Variants in SMAD2 observed in about 807,000 individuals in gnomAD.
The protein encoded by SMAD2 is MAD homolog 2.
Under a neutral mutation model 64.4 loss-of-function variants are expected in SMAD2, and 8 were observed. The ratio of observed to expected loss-of-function variants is 0.12; its 90% CI spans 0.07 to 0.22. The LOEUF is 0.22. SMAD2 is among the 10% of genes least tolerant of loss of function. The pLI, the probability that SMAD2 is intolerant of heterozygous loss-of-function variation, is 1.00. For synonymous variants in SMAD2, 203 were observed against 195.8 expected (o/e 1.04, Z -0.31); for missense variants, 289 against 561.2 (o/e 0.51, Z 4.90).
chr18:47,849,486 TG>T (rs770241039), intron 7 of SMAD2, among the ~76,000 whole-genome samples: 5,490 of 17,210 alleles, frequency 0.32, 131 homozygotes, highest in Non-Finnish European at 0.35. Context: ...CAGAAATGTA[TG>T]TATATATATA....
chr18:47,836,633 AT>A lies in SMAD2; in HGVS notation c.*5193del, dbSNP rs1568024233. On this transcript the variant is annotated 3_prime_UTR_variant, in exon 11 of 11. Transcript: ENST00000262160. ...TATATGTATATATAAATTCATACAC[AT>A]ATATTATTTATTTCCTTCTTAAAAA... is the stretch of plus-strand genomic sequence containing the variant. 4.7e-6 allele frequency: 1 copy of A among 214,430 alleles called. No individual in the cohort carries two copies. The highest frequency in any genetic ancestry group is 7.0e-5 in the East Asian group (1 of 14,372). 13.3% of individuals were successfully genotyped at this position (214,430 alleles called of 1,614,324 possible).
rs1912491036 is a variant in SMAD2 at position 47,819,514 on chromosome 18, A to C, written c.*22313T>G. On this transcript the variant is annotated 3_prime_UTR_variant, in exon 11 of 11. Transcript: ENST00000262160. ...ATAAGTAATCTAGGAATAATTGTTA[A>C]AAATGAATTGGGGGCCAGGTGCAGT... 1 of 152,272 alleles carries C rather than the reference A, an allele frequency of 6.6e-6. No homozygotes were observed. Among genetic ancestry groups the C allele is most frequent in the Admixed American group, 6.5e-5 (1 of 15,284 alleles). The allele number at this position is 152,272 out of a possible 1,614,324, so 9.4% of individuals were successfully genotyped here.
At chr18:47,903,257 G>A (rs2033760432) in intron 1 of SMAD2, among the ~76,000 whole-genome samples, 1 of 152,118 alleles carries the variant, frequency 6.6e-6, no homozygotes, top group Non-Finnish European at 1.5e-5. Context: ...GCTGAAATGA[G>A]TAGCGAACTT....
chr18:47,854,093 A>G (rs1053561936), intron 6 of SMAD2, among the ~76,000 whole-genome samples: 1 of 152,192 alleles, frequency 6.6e-6, no homozygotes, highest in Admixed American at 6.5e-5. Context: ...GCCTTTAAAA[A>G]AAAAAAAACC....
At position 47,821,261 on chromosome 18, in the gene SMAD2, T is replaced by C. The variant is rs1912563001; in HGVS notation, c.*20566A>G. On this transcript the variant is annotated 3_prime_UTR_variant, in exon 11 of 11. Transcript: ENST00000262160. The stretch of plus-strand genomic sequence containing the variant: ...GGTCACACATCATTGCCTTTAGCTC[T>C]TTCTCCCCTTAAGAAGGTACATCTT... 1 of 152,206 alleles carries C rather than the reference T, an allele frequency of 6.6e-6. No individual in the cohort carries two copies. Among genetic ancestry groups the C allele is most frequent in the African/African-American group, 2.4e-5 (1 of 41,462 alleles). 9.4% of individuals were successfully genotyped at this position (152,206 alleles called of 1,614,324 possible).
Position 47,817,570 on chromosome 18 carries a change from G to C in SMAD2, c.*24257C>G, listed in dbSNP as rs1018749002. 1.3e-5 allele frequency: 2 copies of C among 152,772 alleles called. No individual in the cohort carries two copies. The highest frequency in any genetic ancestry group is 4.8e-5 in the African/African-American group (2 of 41,452). 9.5% of individuals were successfully genotyped at this position (152,772 alleles called of 1,614,324 possible). A position where few individuals can be genotyped will look rare whatever the true frequency, so the allele number is the denominator to read the frequency against. On this transcript the variant is annotated 3_prime_UTR_variant, in exon 11 of 11. Transcript: ENST00000262160. The stretch of plus-strand genomic sequence containing the variant: ...CCTGCCTTGGCCTCCCAAAGTGCTG[G>C]GATTACAGGCATGGGCCACTGCGCC...
intron 6 of SMAD2, among the ~76,000 whole-genome samples, chr18:47,864,192 C>A (rs1219751627): frequency 6.6e-6 from 1 of 152,012 alleles, no homozygotes; most frequent in Non-Finnish European, 1.5e-5. Context: ...GATTATCTAC[C>A]TTTCTTAGTT....
At position 47,869,250 on chromosome 18, in the gene SMAD2, C is replaced by T. The variant is rs1370271358; in HGVS notation, c.513G>A (p.Glu171=). 3 of 1,612,266 alleles carry T rather than the reference C, an allele frequency of 1.9e-6. No homozygotes were observed. The highest frequency in any genetic ancestry group is 8.5e-7 in the Non-Finnish European group (1 of 1,178,628). Residue 171 remains glutamate, a synonymous_variant, in exon 4 of 11, where the codon GAG becomes GAA. Transcript: ENST00000262160. ...CVNPYHYQRV[E]TPVLPPVLVP... is the part of the protein sequence containing the mutation. ...AACTTGCAATATTCCTACCTGGTGT[C>T]TCAACTCTCTGATAGTGGTAAGGGT... is the stretch of plus-strand genomic sequence containing the variant.
chr18:47,864,741 T>C (rs1428433044), intron 6 of SMAD2, among the ~76,000 whole-genome samples: 1 of 152,150 alleles, frequency 6.6e-6, no homozygotes, highest in Non-Finnish European at 1.5e-5. Context: ...CACAGAGAGA[T>C]ACTTAGTCAT....
At chr18:47,853,370 T>C in intron 6 of SMAD2, 1 of 191,300 alleles carries the variant, frequency 5.2e-6, no homozygotes, top group Non-Finnish European at 8.3e-6. Context: ...GATGTAATTA[T>C]TATACGAATG....
At chr18:47,892,257 T>C (rs917228889) in intron 2 of SMAD2, among the ~76,000 whole-genome samples, 6 of 151,444 alleles carry the variant, frequency 4.0e-5, no homozygotes, top group Admixed American at 2.0e-4. Context: ...TGCAGTGCAG[T>C]GGCTCAATCT....
chr18:47,915,853 C>T (rs898317095), intron 1 of SMAD2, among the ~76,000 whole-genome samples: 6 of 152,136 alleles, frequency 3.9e-5, no homozygotes, highest in African/African-American at 1.4e-4. Context: ...ACTTCTATTA[C>T]TATTAATTTT....
At chr18:47,894,803 A>G (rs1159136210) in intron 2 of SMAD2, among the ~76,000 whole-genome samples, 1 of 152,222 alleles carries the variant, frequency 6.6e-6, no homozygotes, top group Non-Finnish European at 1.5e-5. Flanking sequence ...GGAAGAGCAC[A>G]CCAGGCACAT....
At chr18:47,919,048 G>C (rs2034450072) in intron 1 of SMAD2, among the ~76,000 whole-genome samples, 1 of 151,974 alleles carries the variant, frequency 6.6e-6, no homozygotes, top group South Asian at 2.1e-4. Flanking sequence ...AGCAAAACCA[G>C]AATGCCAAAG....
At chr18:47,900,775 T>G (rs930287711) in intron 1 of SMAD2, among the ~76,000 whole-genome samples, 2 of 152,200 alleles carry the variant, frequency 1.3e-5, no homozygotes, top group Non-Finnish European at 2.9e-5. Context: ...TAGATCATTG[T>G]AGTTCACCTT....
At chr18:47,911,644 A>T (rs1414955217) in intron 1 of SMAD2, among the ~76,000 whole-genome samples, 1 of 152,238 alleles carries the variant, frequency 6.6e-6, no homozygotes, top group African/African-American at 2.4e-5. Context: ...TAATAGGATT[A>T]TGTAACTTTC....
intron 10 of SMAD2, 145 bp from the exon 11 acceptor site, chr18:47,842,095 G>A (rs1302941725): frequency 1.2e-6 from 1 of 831,530 alleles, no homozygotes; most frequent in Non-Finnish European, 2.0e-6. Flanking sequence ...CCGCAAAATG[G>A]TTGATCCTCA....
chr18:47,860,991 T>C (rs369198871), intron 6 of SMAD2, among the ~76,000 whole-genome samples: 47 of 152,254 alleles, frequency 3.1e-4, no homozygotes, highest in African/African-American at 1.1e-3. Flanking sequence ...TCCATTCTTA[T>C]AGCTTCAACA....
intron 6 of SMAD2, among the ~76,000 whole-genome samples, chr18:47,855,842 C>T (rs1340960400): frequency 6.6e-6 from 1 of 152,086 alleles, no homozygotes; most frequent in East Asian, 1.9e-4. Context: ...ACCCATCTCT[C>T]CTGGCCTGCA....
Sources: allele counts gnomAD v4.1 joint callset (sites outside exome capture counted in the v4.1 genomes callset), GRCh38; gene constraint gnomAD v4.1.1; transcripts MANE v1.5; gene names NCBI Gene and HGNC (gene_info 2026-07-23, HGNC 2026-07-21).